MLLT3: variants seen among roughly 807,000 people sequenced by gnomAD.
MLLT3 encodes the protein protein AF-9.
In MLLT3, 4 loss-of-function variants were observed where a neutral mutation model predicts 53.2. The ratio of observed to expected loss-of-function variants is 0.08; its 90% CI spans 0.04 to 0.17. The LOEUF is 0.17. Ranked by LOEUF, MLLT3 falls within the 10% of genes least tolerant of loss-of-function variation. The pLI is 1.00. For missense variants in MLLT3, 569 were observed against 684.0 expected (o/e 0.83, Z 1.87); for synonymous variants, 283 against 230.6 (o/e 1.23, Z -2.06).
chr9:20,543,562 A>G (rs886075245), intron 2 of MLLT3, among the ~76,000 whole-genome samples: 1 of 152,040 alleles, frequency 6.6e-6, no homozygotes, highest in Admixed American at 6.6e-5. Flanking sequence ...GGATTGCTTG[A>G]GGTCAGGAGT....
At chr9:20,597,798 A>G (rs527608837) in intron 2 of MLLT3, among the ~76,000 whole-genome samples, 1 of 152,358 alleles carries the variant, frequency 6.6e-6, no homozygotes, top group Non-Finnish European at 1.5e-5. Context: ...TACAATAAGT[A>G]AGGTTCCTAT....
At chr9:20,464,129 C>A (rs767578848) in intron 2 of MLLT3, among the ~76,000 whole-genome samples, 8 of 151,570 alleles carry the variant, frequency 5.3e-5, no homozygotes, top group Non-Finnish European at 1.2e-4. Context: ...CCCAGGCTTC[C>A]ATGTACTACT....
chr9:20,559,917 G>A (rs781727448), intron 2 of MLLT3, among the ~76,000 whole-genome samples: 18 of 152,082 alleles, frequency 1.2e-4, no homozygotes, highest in Non-Finnish European at 2.4e-4. Context: ...TTAACCCTAC[G>A]TAAACACAAA....
At chr9:20,374,747 G>A (rs1248951236) in intron 5 of MLLT3, among the ~76,000 whole-genome samples, 3 of 152,138 alleles carry the variant, frequency 2.0e-5, no homozygotes, top group Non-Finnish European at 4.4e-5. Flanking sequence ...ACCTCATAAT[G>A]TATTTTTGTG....
chr9:20,342,304 G>T lies in MLLT3; in HGVS notation c.*4139C>A. 8.9e-6 allele frequency: 2 copies of T among 224,642 alleles called. No homozygotes were observed. Among genetic ancestry groups the T allele is most frequent in the Non-Finnish European group, 1.8e-5 (2 of 112,822 alleles). 13.9% of individuals were successfully genotyped at this position (224,642 alleles called of 1,614,324 possible). On this transcript the variant is annotated 3_prime_UTR_variant, in exon 11 of 11. Transcript: ENST00000380338. ...TTAGAGAAGGGAAATACATCTTACA[G>T]TGTGCCTTGAATTCACACAAAAGCA...
intron 3 of MLLT3, 31 bp downstream of exon 3, chr9:20,456,673 A>T: frequency 6.9e-7 from 1 of 1,446,336 alleles, no homozygotes; most frequent in African/African-American, 1.4e-5. Flanking sequence ...TGGATCGTCT[A>T]CTGAAAGATT....
At chr9:20,490,264 G>T (rs1302141923) in intron 2 of MLLT3, among the ~76,000 whole-genome samples, 4 of 152,182 alleles carry the variant, frequency 2.6e-5, no homozygotes, top group Admixed American at 1.3e-4. Flanking sequence ...CTGACCATAG[G>T]ATATGAAGAT....
At chr9:20,605,500 A>G (rs1587125258) in intron 2 of MLLT3, among the ~76,000 whole-genome samples, 1 of 152,106 alleles carries the variant, frequency 6.6e-6, no homozygotes, top group African/African-American at 2.4e-5. Flanking sequence ...ACGGGTTCAT[A>G]CTAGAAAGAA....
chr9:20,484,486 A>G (rs1316497472), intron 2 of MLLT3, among the ~76,000 whole-genome samples: 1 of 152,132 alleles, frequency 6.6e-6, no homozygotes, highest in African/African-American at 2.4e-5. Context: ...TAGAACCAGA[A>G]ATATTTATAT....
Position 20,343,255 on chromosome 9 carries a change from G to A in MLLT3, c.*3188C>T, listed in dbSNP as rs376814950. 1 of 170,002 alleles carries A rather than the reference G, an allele frequency of 5.9e-6. No individual in the cohort carries two copies. Among genetic ancestry groups the A allele is most frequent in the East Asian group, 1.3e-4 (1 of 7,974 alleles). 10.5% of individuals were successfully genotyped at this position (170,002 alleles called of 1,614,324 possible). A position where few individuals can be genotyped will look rare whatever the true frequency, so the allele number is the denominator to read the frequency against. ...TTAGTGGAAGAAAACCAATATTACT[G>A]GCTCTTTCCACCAAAAGGTGAATAT... On this transcript the variant is annotated 3_prime_UTR_variant, in exon 11 of 11. Coordinates refer to ENST00000380338, the MANE Select transcript of MLLT3 (RefSeq NM_004529.4).
At position 20,343,214 on chromosome 9, in the gene MLLT3, A is replaced by AAAAAAAAAAAAAAAAAAAAAAT. The variant is rs56934102; in HGVS notation, c.*3228_*3229insATTTTTTTTTTTTTTTTTTTTT. On this transcript the variant is annotated 3_prime_UTR_variant, in exon 11 of 11. Coordinates refer to ENST00000380338, the MANE Select transcript of MLLT3 (RefSeq NM_004529.4). ...AAAAAAAAAAAAAAAAAAAAAAAAA[A>AAAAAAAAAAAAAAAAAAAAAAT]TTTTGAAGAAACTTTTTAGTGGAAG... 3 of 115,060 alleles carry AAAAAAAAAAAAAAAAAAAAAAT rather than the reference A, an allele frequency of 2.6e-5. No individual in the cohort carries two copies. The highest frequency in any genetic ancestry group is 2.0e-4 in the African/African-American group (3 of 14,930). The allele number at this position is 115,060 out of a possible 1,614,324, so 7.1% of individuals were successfully genotyped here. A position where few individuals can be genotyped will look rare whatever the true frequency, so the allele number is the denominator to read the frequency against.
rs543582361 is a variant in MLLT3 at position 20,413,358 on chromosome 9, C to A, written c.1125+363G>T. On this transcript the variant is annotated intron_variant, in intron 5 of 10. Coordinates refer to ENST00000380338, the MANE Select transcript of MLLT3 (RefSeq NM_004529.4). ...AAGTTTCTCTTTTAAATTTATTTTC[C>A]CTTGTATTCAAGTTTTATTATATTC... Among the ~76,000 whole-genome samples, 4 of 152,116 alleles carry A rather than the reference C, an allele frequency of 2.6e-5. No individual in the cohort carries two copies. In the South Asian group the frequency reaches 8.3e-4, roughly 32 times the overall value.
chr9:20,403,732 G>A (rs1235211399), intron 5 of MLLT3, among the ~76,000 whole-genome samples: 1 of 152,134 alleles, frequency 6.6e-6, no homozygotes, highest in Non-Finnish European at 1.5e-5. Context: ...TGTGAACTAG[G>A]ACACGTGAAA....
chr9:20,510,905 A>G (rs1031968097), intron 2 of MLLT3, among the ~76,000 whole-genome samples: 2 of 152,240 alleles, frequency 1.3e-5, no homozygotes, highest in Non-Finnish European at 2.9e-5. Flanking sequence ...TTAAAAGAAC[A>G]AAAATTGGAA....
At chr9:20,612,039 C>T (rs1394097088) in intron 2 of MLLT3, among the ~76,000 whole-genome samples, 1 of 152,096 alleles carries the variant, frequency 6.6e-6, no homozygotes, top group East Asian at 1.9e-4. Flanking sequence ...CAGCATCTAC[C>T]ATGGTTACCA....
In MLLT3 at chr9:20,621,692, G is replaced by T. The variant is rs1821015235; in HGVS notation, c.12+553C>A. 2 of 1,398,882 alleles carry T rather than the reference G, an allele frequency of 1.4e-6. No homozygotes were observed. Among genetic ancestry groups the T allele is most frequent in the African/African-American group, 1.5e-5 (1 of 66,212 alleles). The allele number at this position is 1,398,882 out of a possible 1,614,324, so 86.7% of individuals were successfully genotyped here. On this transcript the variant is annotated intron_variant, in intron 1 of 10. Transcript: ENST00000380338. The surrounding 1 kb of genome is among the most constrained non-coding windows in gnomAD (Gnocchi z 7.0). Reference sequence around the variant, plus strand: ...CGGCTCGCGCTCAGCACCTCCCGGCGCTGGGGCAAAGTTGCGTGCGGCCCC... The same window carrying T: ...CGGCTCGCGCTCAGCACCTCCCGGCTCTGGGGCAAAGTTGCGTGCGGCCCC...
chr9:20,406,253 T>C (rs563770240), intron 5 of MLLT3, among the ~76,000 whole-genome samples: 2 of 152,172 alleles, frequency 1.3e-5, no homozygotes, highest in South Asian at 2.1e-4. Flanking sequence ...CAAAAATAAA[T>C]AGAAAGTCTT....
intron 2 of MLLT3, among the ~76,000 whole-genome samples, chr9:20,547,622 C>T (rs1037874434): frequency 8.1e-6 from 1 of 123,778 alleles, no homozygotes; most frequent in Non-Finnish European, 1.6e-5. Flanking sequence ...CCAGCCTGGA[C>T]AACAAGAGTG....
At chr9:20,543,311 C>T (rs1818692267) in intron 2 of MLLT3, among the ~76,000 whole-genome samples, 1 of 152,242 alleles carries the variant, frequency 6.6e-6, no homozygotes, top group Non-Finnish European at 1.5e-5. Context: ...ATGCTTTCCT[C>T]ACAGCACTTA....
Sources: gnomAD v4.1 joint callset for allele counts (sites outside exome capture counted in the v4.1 genomes callset) on GRCh38, gnomAD v4.1.1 for gene constraint, Gnocchi (gnomAD v3.1) non-coding constraint, MANE v1.5 for transcripts, NCBI Gene and HGNC (gene_info 2026-07-23, HGNC 2026-07-21) for gene names.